TTC19: variants seen among roughly 807,000 people sequenced by gnomAD.
TTC19 encodes tetratricopeptide repeat domain 19.
Under a neutral mutation model 49.5 loss-of-function variants are expected in TTC19, and 38 were observed. The observed-to-expected ratio is 0.77, with a 90% CI of 0.59 to 1.01. The LOEUF is 1.01. Ranked by LOEUF, TTC19 falls within the 50% of genes least tolerant of loss-of-function variation. TTC19 has a pLI of 0.00. For missense variants in TTC19, 475 were observed against 477.7 expected, an observed-to-expected ratio of 0.99 and a Z score of 0.05; for synonymous variants, 204 against 185.2, an observed-to-expected ratio of 1.10 and a Z score of -0.83.
chr17:16,044,024 C>A (rs1267428142), intron 2 of TTC19, among the ~76,000 whole-genome samples: 1 of 151,970 alleles, frequency 6.6e-6, no homozygotes, highest in African/African-American at 2.4e-5. Flanking sequence ...ACAAAATTAG[C>A]CGGATATGGT....
chr17:16,031,583 T>G, downstream of TTC19: 1 of 221,984 alleles, frequency 4.5e-6, no homozygotes, highest in Non-Finnish European at 9.0e-6. Flanking sequence ...TGCAGTAATA[T>G]TTTTTCAGTG....
At chr17:16,039,378 T>TA in intron 2 of TTC19, 1 of 1,547,426 alleles carries the variant, frequency 6.5e-7, no homozygotes, top group Non-Finnish European at 8.9e-7. Context: ...ATTTGGGAAA[T>TA]AAACTGGCTT....
intron 7 of TTC19, among the ~76,000 whole-genome samples, chr17:16,016,089 T>C (rs1971205229): frequency 6.6e-6 from 1 of 152,264 alleles, no homozygotes; most frequent in Non-Finnish European, 1.5e-5. Flanking sequence ...TGTTCCCTTT[T>C]TTCTGGTCCC....
chr17:16,019,497 C>G (rs1268490950), intron 7 of TTC19, among the ~76,000 whole-genome samples: 2 of 152,242 alleles, frequency 1.3e-5, no homozygotes, highest in African/African-American at 2.4e-5. Context: ...CACAGAGGCC[C>G]TGTTTGCTTG....
chr17:16,002,720 G>C, intron 3 of TTC19, 73 bp from the exon 4 acceptor site: 1 of 1,446,180 alleles, frequency 6.9e-7, no homozygotes. Flanking sequence ...AAAGCAAAAG[G>C]GAATTTTAAA....
chr17:16,025,713 C>T (rs992577959), intron 8 of TTC19, among the ~76,000 whole-genome samples: 21 of 152,338 alleles, frequency 1.4e-4, no homozygotes, highest in African/African-American at 4.8e-4. Flanking sequence ...TCCCCTCCAT[C>T]CGAGTAAGTT....
intron 2 of TTC19, among the ~76,000 whole-genome samples, chr17:16,035,237 A>G (rs981690951): frequency 1.3e-5 from 2 of 152,192 alleles, no homozygotes; most frequent in Non-Finnish European, 2.9e-5. Context: ...TTTTCCTTTC[A>G]TGAAAGACTT....
chr17:16,004,133 G>T, intron 5 of TTC19, 68 bp from the exon 6 acceptor site: 8 of 1,475,032 alleles, frequency 5.4e-6, no homozygotes, highest in Non-Finnish European at 7.6e-6. Flanking sequence ...CAGTCTGGAA[G>T]TTGATCTGAA....
chr17:16,021,249 G>T (rs1971373627), intron 7 of TTC19, among the ~76,000 whole-genome samples: 1 of 152,152 alleles, frequency 6.6e-6, no homozygotes, highest in South Asian at 2.1e-4. Context: ...ATTTAGCTGG[G>T]CGTGGTGGCG....
intron 4 of TTC19, among the ~76,000 whole-genome samples, chr17:16,003,395 C>T (rs1286796642): frequency 6.6e-6 from 1 of 151,244 alleles, no homozygotes; most frequent in African/African-American, 2.4e-5. Flanking sequence ...GGATTCCAGG[C>T]GTGTGCCACA....
At chr17:16,036,786 TG>T (rs1437435859) in intron 2 of TTC19, among the ~76,000 whole-genome samples, 1 of 152,238 alleles carries the variant, frequency 6.6e-6, no homozygotes, top group East Asian at 1.9e-4. Context: ...ATGTTGTGGC[TG>T]GTTTGGTCTT....
At chr17:16,004,118 A>ACC in intron 5 of TTC19, 83 bp from the exon 6 acceptor site, 1 of 1,370,228 alleles carries the variant, frequency 7.3e-7, no homozygotes, top group South Asian at 1.2e-5. Context: ...CTTTGAGGCC[A>ACC]CCGTCAGTCT....
At chr17:16,027,272 C>G in intron 9 of TTC19, 102 bp from the exon 10 acceptor site, 1 of 1,378,018 alleles carries the variant, frequency 7.3e-7, no homozygotes, top group Admixed American at 1.8e-5. Context: ...TTCATAAGCA[C>G]ACAGTAAATT....
intron 7 of TTC19, among the ~76,000 whole-genome samples, chr17:16,007,313 A>G (rs191431737): frequency 6.6e-6 from 1 of 152,352 alleles, no homozygotes; most frequent in Non-Finnish European, 1.5e-5. Flanking sequence ...AGTTTAATTT[A>G]TAAGTTAGGC....
chr17:16,018,225 G>A (rs1247771398), intron 7 of TTC19, among the ~76,000 whole-genome samples: 1 of 150,440 alleles, frequency 6.6e-6, no homozygotes, highest in Non-Finnish European at 1.5e-5. Flanking sequence ...AGGTTAGGGA[G>A]TTGTCTGTTT....
At position 16,002,821 on chromosome 17, in the gene TTC19, A is replaced by G. The variant is rs779654449; in HGVS notation, c.452A>G (p.Gln151Arg). Residue 151 changes from glutamine to arginine, a missense_variant, in exon 4 of 10, where the codon CAG becomes CGG. Coordinates refer to ENST00000261647, the MANE Select transcript of TTC19 (RefSeq NM_017775.4). Reference protein sequence around the residue: ...LMANLAFIRGQLENAEQLFKA... With the variant: ...LMANLAFIRGRLENAEQLFKA... ...GCCAACTTAGCATTTATACGGGGTC[A>G]GCTTGAAAATGTAAGTAAATTGCTT... is the stretch of plus-strand genomic sequence containing the variant. 3 of 1,613,974 alleles carry G rather than the reference A, an allele frequency of 1.9e-6. No individual in the cohort carries two copies. In the East Asian group the frequency reaches 6.7e-5, roughly 36 times the overall value.
intron 6 of TTC19, among the ~76,000 whole-genome samples, chr17:16,005,988 A>G (rs913817366): frequency 6.6e-6 from 1 of 152,256 alleles, no homozygotes; most frequent in African/African-American, 2.4e-5. Context: ...ACTTAAAAAA[A>G]CTGCTTTGAG....
rs59177775 is a variant in TTC19 at position 16,028,818 on chromosome 17, C to CAAAAA, written c.*1320_*1324dup. On this transcript the variant is annotated 3_prime_UTR_variant, in exon 10 of 10. Coordinates refer to ENST00000261647, the MANE Select transcript of TTC19 (RefSeq NM_017775.4). ...GTATCCCAGTAATCTTTGCATTTCT[C>CAAAAA]AAAAAAAAAAAAAAAAAAAAAAAAA... 0.011 allele frequency: 1,084 copies of CAAAAA among 98,764 alleles called. 71 individuals are homozygous for CAAAAA. Among genetic ancestry groups the CAAAAA allele is most frequent in the East Asian group, 0.016 (55 of 3,352 alleles). 6.1% of individuals were successfully genotyped at this position (98,764 alleles called of 1,614,324 possible). A position where few individuals can be genotyped will look rare whatever the true frequency, so the allele number is the denominator to read the frequency against.
chr17:16,018,346 C>T (rs962702706), intron 7 of TTC19, among the ~76,000 whole-genome samples: 2 of 152,090 alleles, frequency 1.3e-5, no homozygotes, highest in Admixed American at 6.6e-5. Flanking sequence ...TGGCCTCTTA[C>T]CCTGGAATGT....
Sources: allele counts gnomAD v4.1 joint callset (sites outside exome capture counted in the v4.1 genomes callset), GRCh38; gene constraint gnomAD v4.1.1; transcripts MANE v1.5; gene names NCBI Gene and HGNC (gene_info 2026-07-23, HGNC 2026-07-21).